Variants in DCC observed in about 807,000 individuals in gnomAD.
DCC encodes netrin receptor DCC.
In DCC, 58 loss-of-function variants were observed where a neutral mutation model predicts 172.5. That is an observed-to-expected ratio of 0.34 (90% CI 0.27 to 0.42). DCC has a LOEUF of 0.42. DCC is among the 10% of genes least tolerant of loss of function. DCC has a pLI of 1.00. For missense variants in DCC, 1,740 were observed against 1,791.0 expected, an observed-to-expected ratio of 0.97 and a Z score of 0.51; for synonymous variants, 709 against 644.5, an observed-to-expected ratio of 1.10 and a Z score of -1.52.
intron 25 of DCC, among the ~76,000 whole-genome samples, chr18:53,475,214 CCT>C (rs1441317124): frequency 2.0e-5 from 3 of 152,268 alleles, no homozygotes; most frequent in African/African-American, 7.2e-5. Flanking sequence ...AAATTTGCCC[CCT>C]GACAATACAA....
intron 5 of DCC, among the ~76,000 whole-genome samples, chr18:52,955,490 G>A (rs2040727797): frequency 6.6e-6 from 1 of 151,792 alleles, no homozygotes; most frequent in Non-Finnish European, 1.5e-5. Context: ...TGGCAATTGT[G>A]AATAGAGTTT....
At chr18:53,262,347 T>G (rs2056616672) in intron 12 of DCC, among the ~76,000 whole-genome samples, 1 of 152,224 alleles carries the variant, frequency 6.6e-6, no homozygotes, top group East Asian at 1.9e-4. Context: ...GAGAGTCCAT[T>G]CTGTGGTGGT....
chr18:52,854,500 CCTCT>C (rs1370284433), intron 2 of DCC, among the ~76,000 whole-genome samples: 1 of 152,012 alleles, frequency 6.6e-6, no homozygotes, highest in Non-Finnish European at 1.5e-5. Context: ...TGTGGACTTC[CCTCT>C]CTCCATGTTT....
At chr18:53,466,691 A>T (rs1261805225) in intron 24 of DCC, among the ~76,000 whole-genome samples, 1 of 151,994 alleles carries the variant, frequency 6.6e-6, no homozygotes, top group African/African-American at 2.4e-5. Flanking sequence ...ACACCCAGCT[A>T]ATTTTTGTAT....
intron 12 of DCC, among the ~76,000 whole-genome samples, chr18:53,263,744 T>C (rs1193728099): frequency 1.8e-4 from 27 of 152,158 alleles, no homozygotes; most frequent in South Asian, 1.7e-3. Flanking sequence ...AATCATATAC[T>C]TACTGGAATT....
chr18:52,848,248 C>A, intron 2 of DCC, among the ~76,000 whole-genome samples: 1 of 152,076 alleles, frequency 6.6e-6, no homozygotes, highest in African/African-American at 2.4e-5. Flanking sequence ...CCATGCCCAG[C>A]TATTTTATAT....
At chr18:52,595,681 A>C (rs2033895239) in intron 1 of DCC, among the ~76,000 whole-genome samples, 1 of 152,158 alleles carries the variant, frequency 6.6e-6, no homozygotes, top group African/African-American at 2.4e-5. Context: ...GGGTTTTCTT[A>C]TAGTGTTTGC....
In DCC at chr18:53,446,098, C is replaced by CAAAAAAA. The variant is rs1246126122; in HGVS notation, c.3230-4392_3230-4386dup. Among the ~76,000 whole-genome samples the CAAAAAAA allele has an allele frequency of 6.5e-4, 21 of 32,188 alleles. 1 individual carries two copies. Among genetic ancestry groups the CAAAAAAA allele is most frequent in the South Asian group, 1.3e-3 (1 of 752 alleles). 21.1% of individuals were successfully genotyped at this position (32,188 alleles called of 152,430 possible). Reference sequence around the variant, plus strand: ...GCAACATAAGAAGACCCTGTCTCTACAAAAAAAAAAAAAAAACAAAAAAAA... The same window carrying CAAAAAAA: ...GCAACATAAGAAGACCCTGTCTCTACAAAAAAAAAAAAAAAAAAAAAAACAAAAAAAA... On this transcript the variant is annotated intron_variant, in intron 22 of 28. Transcript: ENST00000442544.
intron 5 of DCC, among the ~76,000 whole-genome samples, chr18:53,054,368 A>G (rs1478698254): frequency 2.6e-5 from 4 of 152,100 alleles, no homozygotes; most frequent in African/African-American, 7.2e-5. Flanking sequence ...ATATGTGTGT[A>G]TATGTAGGCT....
chr18:52,849,829 A>C (rs2038948260), intron 2 of DCC, among the ~76,000 whole-genome samples: 1 of 152,208 alleles, frequency 6.6e-6, no homozygotes, highest in South Asian at 2.1e-4. Flanking sequence ...CAGTGTTCAC[A>C]TTTAGGAGGC....
At chr18:52,961,875 T>C (rs1162952333) in intron 5 of DCC, among the ~76,000 whole-genome samples, 1 of 152,076 alleles carries the variant, frequency 6.6e-6, no homozygotes, top group East Asian at 1.9e-4. Context: ...CCCTATTTAA[T>C]AAATGGTGCT....
At chr18:52,544,852 G>A (rs2032568929) in intron 1 of DCC, among the ~76,000 whole-genome samples, 1 of 152,096 alleles carries the variant, frequency 6.6e-6, no homozygotes, top group Non-Finnish European at 1.5e-5. Context: ...CAGGTAGCAG[G>A]TTTCTCTTTC....
At chr18:52,852,613 CTTACCAAGTGTCTA>C (rs1568145956) in intron 2 of DCC, among the ~76,000 whole-genome samples, 1 of 152,030 alleles carries the variant, frequency 6.6e-6, no homozygotes, top group African/African-American at 2.4e-5. Flanking sequence ...TAAATAGACA[CTTACCAAGTGTCTA>C]TTTGGTTAAA....
chr18:52,526,870 G>T (rs934509156), intron 1 of DCC, among the ~76,000 whole-genome samples: 2 of 152,126 alleles, frequency 1.3e-5, no homozygotes, highest in African/African-American at 4.8e-5. Flanking sequence ...ATAGTAAAAT[G>T]CTCTCTCTGT....
chr18:53,255,387 C>G (rs1483649973), intron 12 of DCC, among the ~76,000 whole-genome samples: 3 of 125,432 alleles, frequency 2.4e-5, no homozygotes, highest in Non-Finnish European at 4.8e-5. Flanking sequence ...CACAACAGGC[C>G]ATGGTGTGTG....
intron 7 of DCC, among the ~76,000 whole-genome samples, chr18:53,141,460 C>T (rs940324689): frequency 3.9e-5 from 6 of 152,126 alleles, no homozygotes; most frequent in Admixed American, 1.3e-4. Flanking sequence ...AAACTGCTAG[C>T]GAAATGGGTT....
At chr18:52,492,945 G>A (rs1488867458) in intron 1 of DCC, among the ~76,000 whole-genome samples, 15 of 152,176 alleles carry the variant, frequency 9.9e-5, no homozygotes, top group Admixed American at 8.5e-4. Flanking sequence ...TAATGTGAAG[G>A]GGCATGTTGA....
At chr18:53,318,918 C>T (rs948293300) in intron 13 of DCC, among the ~76,000 whole-genome samples, 3 of 152,124 alleles carry the variant, frequency 2.0e-5, no homozygotes, top group Non-Finnish European at 4.4e-5. Context: ...GATCTCTCTG[C>T]AGAAACACTG....
chr18:53,477,922 A>G (rs2045785637), intron 25 of DCC, among the ~76,000 whole-genome samples: 2 of 152,212 alleles, frequency 1.3e-5, no homozygotes, highest in African/African-American at 2.4e-5. Context: ...ATGGTGGCAA[A>G]GGTTGACTAT....
Sources: gnomAD v4.1 joint callset for allele counts (sites outside exome capture counted in the v4.1 genomes callset) on GRCh38, gnomAD v4.1.1 for gene constraint, MANE v1.5 for transcripts, NCBI Gene and HGNC (gene_info 2026-07-23, HGNC 2026-07-21) for gene names.